Variants in CCDC3 observed in about 807,000 individuals in gnomAD.
The protein encoded by CCDC3 is coiled-coil domain containing 3, also known as coiled-coil domain-containing protein 3.
CCDC3 carries 24 observed loss-of-function variants against 21.4 expected under a neutral mutation model. The ratio of observed to expected loss-of-function variants is 1.12; its 90% CI spans 0.81 to 1.58. The LOEUF is 1.58. Ranked by LOEUF, CCDC3 falls within the 40% of genes most tolerant of loss-of-function variation. CCDC3 has a pLI of 0.00. For missense variants in CCDC3, 425 were observed against 360.9 expected, an observed-to-expected ratio of 1.18 and a Z score of -1.44; for synonymous variants, 186 against 166.0, an observed-to-expected ratio of 1.12 and a Z score of -0.93.
chr10:12,937,463 G>GTTTT (rs1204572640), intron 2 of CCDC3, among the ~76,000 whole-genome samples: 27 of 152,224 alleles, frequency 1.8e-4, no homozygotes, highest in African/African-American at 6.5e-4. Context: ...AATGTACTGT[G>GTTTT]TTTTTTGCTT....
At chr10:12,975,787 G>C (rs539631154) in intron 2 of CCDC3, among the ~76,000 whole-genome samples, 2 of 152,278 alleles carry the variant, frequency 1.3e-5, no homozygotes, top group South Asian at 4.2e-4. Context: ...CACTCCTACT[G>C]TCCTTGAACC....
chr10:12,977,120 G>GA (rs1302005695), intron 2 of CCDC3, among the ~76,000 whole-genome samples: 7 of 152,170 alleles, frequency 4.6e-5, no homozygotes, highest in African/African-American at 1.7e-4. Context: ...CCAAAAAACA[G>GA]AAAAATTAGC....
intron 5 of CCDC3, among the ~76,000 whole-genome samples, chr10:13,045,392 G>A (rs1032282922): frequency 6.6e-6 from 1 of 152,108 alleles, no homozygotes; most frequent in African/African-American, 2.4e-5. Context: ...TGTAATCGCA[G>A]CACTTTGTGA....
At chr10:13,091,721 C>T (rs1191287820) in intron 3 of CCDC3, among the ~76,000 whole-genome samples, 1 of 151,912 alleles carries the variant, frequency 6.6e-6, no homozygotes, top group East Asian at 1.9e-4. Context: ...CAAGCATAAC[C>T]CCTTTTAAAT....
At chr10:13,035,046 T>A (rs199808283) in intron 5 of CCDC3, among the ~76,000 whole-genome samples, 13 of 130,700 alleles carry the variant, frequency 9.9e-5, no homozygotes, top group Admixed American at 4.0e-4. Context: ...AAAAAAAAAA[T>A]TAAAAAAAAA....
intron 5 of CCDC3, among the ~76,000 whole-genome samples, chr10:13,024,393 T>A (rs1463198444): frequency 6.6e-6 from 1 of 152,224 alleles, no homozygotes; most frequent in Non-Finnish European, 1.5e-5. Flanking sequence ...CATGTCAGGA[T>A]GCTACGGGAA....
intron 2 of CCDC3, among the ~76,000 whole-genome samples, chr10:12,980,160 C>T (rs922024370): frequency 2.6e-5 from 4 of 152,298 alleles, no homozygotes; most frequent in African/African-American, 7.2e-5. Flanking sequence ...TCAAGTACGT[C>T]GGGTGATCTC....
chr10:13,050,203 A>C (rs1284451349), intron 4 of CCDC3, among the ~76,000 whole-genome samples: 1 of 152,158 alleles, frequency 6.6e-6, no homozygotes, highest in African/African-American at 2.4e-5. Flanking sequence ...AATTGGGGGC[A>C]GGGCTGGTCC....
At chr10:13,047,215 C>T (rs937108878) in intron 5 of CCDC3, among the ~76,000 whole-genome samples, 3 of 152,164 alleles carry the variant, frequency 2.0e-5, no homozygotes, top group African/African-American at 7.2e-5. Context: ...AAACCATGTA[C>T]CTGTGTAGCC....
intron 2 of CCDC3, among the ~76,000 whole-genome samples, chr10:12,917,506 T>C (rs1409177652): frequency 6.6e-6 from 1 of 152,014 alleles, no homozygotes; most frequent in Non-Finnish European, 1.5e-5. Flanking sequence ...AGAAATGTCC[T>C]TATTTCTATG....
intron 4 of CCDC3, among the ~76,000 whole-genome samples, chr10:13,065,801 T>C (rs1181706563): frequency 6.6e-6 from 1 of 152,230 alleles, no homozygotes; most frequent in East Asian, 1.9e-4. Flanking sequence ...CATACATCAA[T>C]GTCATATATA....
chr10:12,930,445 T>C (rs1369788155), intron 2 of CCDC3, among the ~76,000 whole-genome samples: 2 of 152,178 alleles, frequency 1.3e-5, no homozygotes, highest in African/African-American at 4.8e-5. Flanking sequence ...TTCCCCTTGA[T>C]TTACAAATGT....
intron 2 of CCDC3, among the ~76,000 whole-genome samples, chr10:12,968,084 A>G (rs1033336047): frequency 5.9e-5 from 9 of 152,000 alleles, no homozygotes; most frequent in East Asian, 1.9e-4. Context: ...CAGGAGAATC[A>G]TTTGAAGCTG....
At chr10:13,076,324 A>G (rs1436589686) in intron 3 of CCDC3, among the ~76,000 whole-genome samples, 2 of 152,250 alleles carry the variant, frequency 1.3e-5, no homozygotes, top group Non-Finnish European at 2.9e-5. Flanking sequence ...ATCTTGGGTG[A>G]GGACTAGGAA....
At chr10:13,022,812 T>TG (rs1337983131) in intron 5 of CCDC3, among the ~76,000 whole-genome samples, 1 of 152,046 alleles carries the variant, frequency 6.6e-6, no homozygotes, top group African/African-American at 2.4e-5. Context: ...TCAAGTAGAG[T>TG]GGAAGTCTAC....
At chr10:13,018,042 A>C (rs762042159) in intron 5 of CCDC3, among the ~76,000 whole-genome samples, 4 of 152,044 alleles carry the variant, frequency 2.6e-5, no homozygotes, top group African/African-American at 4.8e-5. Flanking sequence ...AACTGAGAGC[A>C]AGGTGGGTTT....
chr10:13,069,488 C>A (rs564692601), intron 4 of CCDC3, among the ~76,000 whole-genome samples: 3 of 152,208 alleles, frequency 2.0e-5, no homozygotes, highest in Non-Finnish European at 4.4e-5. Flanking sequence ...TAATTTATGG[C>A]AATCTGGAAT....
At chr10:13,007,195 C>T (rs1835934458) in intron 5 of CCDC3, among the ~76,000 whole-genome samples, 1 of 152,126 alleles carries the variant, frequency 6.6e-6, no homozygotes, top group South Asian at 2.1e-4. Flanking sequence ...GGAAATACCT[C>T]TGGGTCATCT....
chr10:12,932,679 A>G (rs11597715), intron 2 of CCDC3, among the ~76,000 whole-genome samples: 207 of 152,322 alleles, frequency 1.4e-3, no homozygotes, highest in Middle Eastern at 3.4e-3. Flanking sequence ...ATTAGCTACA[A>G]TAGAACTTCC....
Sources: allele counts gnomAD v4.1 joint callset (sites outside exome capture counted in the v4.1 genomes callset), GRCh38; gene constraint gnomAD v4.1.1; transcripts MANE v1.5; gene names NCBI Gene and HGNC (gene_info 2026-07-23, HGNC 2026-07-21).